NTRK1: variants seen among roughly 807,000 people sequenced by gnomAD.
NTRK1 encodes high affinity nerve growth factor receptor.
NTRK1 carries 62 observed loss-of-function variants against 86.8 expected under a neutral mutation model. The ratio of observed to expected loss-of-function variants is 0.71; its 90% confidence interval spans 0.58 to 0.88. NTRK1 has a LOEUF of 0.88. NTRK1 is among the 40% of genes least tolerant of loss of function. NTRK1 has a pLI of 0.00. For missense variants in NTRK1, 967 were observed against 1,078.4 expected (o/e 0.90, Z 1.45); for synonymous variants, 469 against 456.6 (o/e 1.03, Z -0.35).
At chr1:156,828,327 TC>T (rs1654377416) in intron 1 of NTRK1, among the ~76,000 whole-genome samples, 1 of 152,228 alleles carries the variant, frequency 6.6e-6, no homozygotes, top group Non-Finnish European at 1.5e-5. Context: ...GGTAACCGTG[TC>T]TTATTTATGT....
At chr1:156,853,466 G>A (rs750003100) in intron 2 of NTRK1, among the ~76,000 whole-genome samples, 9 of 152,116 alleles carry the variant, frequency 5.9e-5, no homozygotes, top group Admixed American at 1.3e-4. Flanking sequence ...TGCTTCTTGC[G>A]CTGCCTACTC....
At chr1:156,851,382 A>C (rs1171479476) in intron 2 of NTRK1, 1 of 1,614,190 alleles carries the variant, frequency 6.2e-7, no homozygotes, top group Non-Finnish European at 8.5e-7. Flanking sequence ...TGAGGAAGCC[A>C]GTAATGGTTT....
At chr1:156,841,010 A>C (rs1302056130) in intron 1 of NTRK1, 1 of 1,610,544 alleles carries the variant, frequency 6.2e-7, no homozygotes. Context: ...AGGCGGAAGG[A>C]GGGCCGCAGC....
At chr1:156,829,444 C>T (rs1654407318) in intron 1 of NTRK1, among the ~76,000 whole-genome samples, 1 of 152,130 alleles carries the variant, frequency 6.6e-6, no homozygotes, top group African/African-American at 2.4e-5. Flanking sequence ...TGCACAGGTC[C>T]CTCCAGCCCA....
At chr1:156,852,237 C>T (rs1175890508) in intron 2 of NTRK1, 2 of 1,523,444 alleles carry the variant, frequency 1.3e-6, no homozygotes, top group East Asian at 2.3e-5. Flanking sequence ...CCCCCTCAGT[C>T]CTGGCTGTCC....
At chr1:156,824,969 AACCTCC>A (rs1000015934) in intron 1 of NTRK1, among the ~76,000 whole-genome samples, 1 of 152,150 alleles carries the variant, frequency 6.6e-6, no homozygotes, top group Non-Finnish European at 1.5e-5. Flanking sequence ...AGCTCACTGC[AACCTCC>A]GCCTCCCAGG....
At chr1:156,844,298 G>C (rs749373554) in intron 2 of NTRK1, 99 of 1,594,062 alleles carry the variant, frequency 6.2e-5, no homozygotes, top group Non-Finnish European at 8.3e-5. Flanking sequence ...TCAGAGGGCA[G>C]CAGAGGGTAG....
chr1:156,875,434 T>G (rs1446776036), intron 11 of NTRK1, 86 bp from the exon 12 acceptor site: 22 of 1,560,972 alleles, frequency 1.4e-5, no homozygotes, highest in Middle Eastern at 1.8e-4. Flanking sequence ...AGTTACAAGG[T>G]GGGGGTGACC....
chr1:156,823,124 C>G (rs2102834869), intron 1 of NTRK1, among the ~76,000 whole-genome samples: 1 of 152,204 alleles, frequency 6.6e-6, no homozygotes. Context: ...CTGGAGGATC[C>G]CAAGATGATG....
rs1655350933 is a variant in NTRK1 at position 156,854,817 on chromosome 1, C to T, written c.51-9537C>T. 6.6e-6 allele frequency among the ~76,000 whole-genome samples: 1 copy of T among 152,160 alleles called. No individual in the cohort carries two copies. Among genetic ancestry groups the T allele is most frequent in the Non-Finnish European group, 1.5e-5 (1 of 68,028 alleles). Reference sequence around the variant, plus strand: ...TTGTCCCTCTATGGGCCATTCTCCACTCTGCAGCCAGAGTGATCTCAAAAC... The same window carrying T: ...TTGTCCCTCTATGGGCCATTCTCCATTCTGCAGCCAGAGTGATCTCAAAAC... On this transcript the variant is annotated intron_variant, in intron 2 of 16. Coordinates refer to the NTRK1 transcript ENST00000392302. This position sits in a 1 kb window ranked among gnomAD's most constrained non-coding sequence, Gnocchi z 4.2.
intron 1 of NTRK1, among the ~76,000 whole-genome samples, chr1:156,822,037 C>T (rs1654203968): frequency 6.6e-6 from 1 of 152,182 alleles, no homozygotes; most frequent in Non-Finnish European, 1.5e-5. Flanking sequence ...TGACGTCAGG[C>T]AGCTCTGGCC....
At chr1:156,834,267 G>A (rs1487523442) in intron 1 of NTRK1, among the ~76,000 whole-genome samples, 5 of 152,158 alleles carry the variant, frequency 3.3e-5, no homozygotes, top group African/African-American at 1.2e-4. Context: ...GAAGATGCAA[G>A]TCCCAGGCTT....
chr1:156,843,645 C>T (rs1047188249), intron 2 of NTRK1, among the ~76,000 whole-genome samples: 15 of 152,240 alleles, frequency 9.9e-5, no homozygotes, highest in Non-Finnish European at 1.6e-4. Context: ...CCAAGTTGGC[C>T]TTGGCCCTAT....
At chr1:156,844,700 C>T in intron 2 of NTRK1, 1 of 1,614,116 alleles carries the variant, frequency 6.2e-7, no homozygotes, top group Non-Finnish European at 8.5e-7. Context: ...GTCCCACGGG[C>T]ACCTACCTCT....
At chr1:156,871,209 T>G (rs1033206938) in intron 6 of NTRK1, among the ~76,000 whole-genome samples, 1 of 152,162 alleles carries the variant, frequency 6.6e-6, no homozygotes, top group Non-Finnish European at 1.5e-5. Context: ...TTGGGATATT[T>G]TGTGCCTATT....
chr1:156,876,225 C>CG lies in NTRK1; in HGVS notation c.1632+21dup, dbSNP rs751037956. 4 of 1,613,572 alleles carry CG rather than the reference C, an allele frequency of 2.5e-6. No homozygotes were observed. The highest frequency in any genetic ancestry group is 2.7e-5 in the African/African-American group (2 of 74,890). On this transcript the variant is annotated intron_variant, in intron 13 of 16. Coordinates refer to ENST00000524377, the MANE Select transcript of NTRK1 (RefSeq NM_002529.4). ...TGGCTGTCAAGGTGAGACCCTGCCCCGGGGGGTACTGCTGGCCTGGGTCCC... is the reference window on the plus strand; with the variant it reads ...TGGCTGTCAAGGTGAGACCCTGCCCCGGGGGGGTACTGCTGGCCTGGGTCCC...
rs557254719 is a variant in NTRK1, at chr1:156,880,143, C to T, written c.2191C>T (p.Leu731Phe). Reference protein sequence around the residue: ...FTYGKQPWYQLSNTEAIDCIT... With the variant: ...FTYGKQPWYQFSNTEAIDCIT... Reference sequence around the variant, plus strand: ...CTACGGCAAGCAGCCCTGGTACCAGCTCTCCAACACGGAGGTCAGCCCCGG... The same window carrying T: ...CTACGGCAAGCAGCCCTGGTACCAGTTCTCCAACACGGAGGTCAGCCCCGG... The change falls in exon 16 of 17, where the codon CTC becomes TTC. Residue 731 changes from leucine to phenylalanine, a missense_variant. Physicochemically the swap from Leu to Phe is conservative, Grantham distance 22. Transcript: ENST00000524377. 1.1e-5 allele frequency: 18 copies of T among 1,613,546 alleles called. No homozygotes were observed. In the East Asian group the frequency reaches 1.6e-4, roughly 14 times the overall value.
At chr1:156,862,538 T>C (rs1488789688) in intron 1 of NTRK1, among the ~76,000 whole-genome samples, 3 of 152,080 alleles carry the variant, frequency 2.0e-5, no homozygotes, top group Non-Finnish European at 4.4e-5. Flanking sequence ...CTAGCAAGCA[T>C]GTAGGGTGGT....
intron 1 of NTRK1, among the ~76,000 whole-genome samples, chr1:156,821,732 A>G (rs1360387756): frequency 1.3e-5 from 2 of 152,150 alleles, no homozygotes; most frequent in East Asian, 1.9e-4. Flanking sequence ...GGCAAGGAGG[A>G]CTTTCTTCAG....
Sources: gnomAD v4.1 joint callset for allele counts (sites outside exome capture counted in the v4.1 genomes callset) on GRCh38, gnomAD v4.1.1 for gene constraint, Gnocchi (gnomAD v3.1) non-coding constraint, MANE v1.5 for transcripts, NCBI Gene and HGNC (gene_info 2026-07-23, HGNC 2026-07-21) for gene names.